The following SGCD variants were observed in gnomAD, a reference collection of about 807,000 sequenced individuals.
SGCD encodes the protein sarcoglycan delta, also known as delta-sarcoglycan.
Under a neutral mutation model 36.6 loss-of-function variants are expected in SGCD, and 18 were observed. That is an observed-to-expected ratio of 0.49 (90% CI 0.34 to 0.73). SGCD has a LOEUF of 0.73. Among genes scored for constraint, SGCD ranks in the 30% least tolerant of loss-of-function variants. The pLI is 0.01. For synonymous variants in SGCD, 133 were observed against 130.6 expected (o/e 1.02, Z -0.12); for missense variants, 387 against 346.7 (o/e 1.12, Z -0.92).
intron 1 of SGCD, among the ~76,000 whole-genome samples, chr5:155,905,346 ATTAG>A (rs955081997): frequency 5.3e-5 from 8 of 152,122 alleles, no homozygotes; most frequent in African/African-American, 1.9e-4. Flanking sequence ...CTTAGAAATT[ATTAG>A]TTACTTTTTT....
the SGCD span, among the ~76,000 whole-genome samples, chr5:155,862,585 C>T: frequency 4.6e-5 from 7 of 152,334 alleles, no homozygotes; most frequent in African/African-American, 1.7e-4. Context: ...GATCCTCCCA[C>T]CTCAGCTCCC....
chr5:155,749,821 A>G, the SGCD span, among the ~76,000 whole-genome samples: 1 of 152,208 alleles, frequency 6.6e-6, no homozygotes, highest in East Asian at 1.9e-4. Context: ...TCATTCATTT[A>G]TCAAGAAATA....
At chr5:155,951,319 A>T (rs1441048534) in intron 1 of SGCD, among the ~76,000 whole-genome samples, 2 of 152,202 alleles carry the variant, frequency 1.3e-5, no homozygotes. Flanking sequence ...ATCATGGCAC[A>T]TTCACATAAT....
At chr5:155,977,166 C>G (rs950134473) in intron 1 of SGCD, among the ~76,000 whole-genome samples, 1 of 152,176 alleles carries the variant, frequency 6.6e-6, no homozygotes, top group Non-Finnish European at 1.5e-5. Flanking sequence ...TCATCATTGC[C>G]CTGGCCCCTT....
At chr5:155,966,423 G>A (rs79748797) in intron 1 of SGCD, among the ~76,000 whole-genome samples, 3,508 of 152,206 alleles carry the variant, frequency 0.023, 132 homozygotes, top group African/African-American at 0.075. Flanking sequence ...TACTGAAAGG[G>A]TTGATGCAAG....
chr5:155,771,775 C>G, the SGCD span, among the ~76,000 whole-genome samples: 2 of 152,024 alleles, frequency 1.3e-5, no homozygotes, highest in African/African-American at 4.8e-5. Context: ...TGGTCTTGAA[C>G]TCCTGGGCTC....
Position 156,332,837 on chromosome 5 carries a change from G to A in SGCD, c.3+3258G>A, listed in dbSNP as rs193139176. Reference sequence around the variant, plus strand: ...AGAGGAGTAATAAGAGAATTTTCTCGGGTGATAGAAATGTTCCCTCTCCTG... The same window carrying A: ...AGAGGAGTAATAAGAGAATTTTCTCAGGTGATAGAAATGTTCCCTCTCCTG... On this transcript the variant is annotated intron_variant, in intron 2 of 8. Transcript: ENST00000337851. 8.0e-4 allele frequency among the ~76,000 whole-genome samples: 122 copies of A among 152,274 alleles called. 1 individual carries two copies. The highest frequency in any genetic ancestry group is 2.7e-3 in the African/African-American group (111 of 41,568).
chr5:156,221,632 A>C lies in SGCD; in HGVS notation c.-44+97613A>C, dbSNP rs914906650. On this transcript the variant is annotated intron_variant, in intron 3 of 9. Coordinates refer to the SGCD transcript ENST00000517913. ...CTGTAGGGTAACTGTGATCATCACA[A>C]AAAAAATAATTTTTATGTTTATTAT... 5.3e-5 allele frequency among the ~76,000 whole-genome samples: 8 copies of C among 151,910 alleles called. 1 individual carries two copies. The highest frequency in any genetic ancestry group is 5.2e-4 in the Admixed American group (8 of 15,250).
At chr5:156,194,597 T>A (rs1170731051) in intron 3 of SGCD, among the ~76,000 whole-genome samples, 1 of 152,010 alleles carries the variant, frequency 6.6e-6, no homozygotes, top group African/African-American at 2.4e-5. Context: ...AGTAACAGAA[T>A]AACAAAACCA....
chr5:156,002,344 G>A (rs1385454777), intron 1 of SGCD, among the ~76,000 whole-genome samples: 1 of 152,192 alleles, frequency 6.6e-6, no homozygotes, highest in Non-Finnish European at 1.5e-5. Flanking sequence ...CCCTTTGGTC[G>A]TGGATTTCTA....
chr5:155,853,274 G>A, the SGCD span, among the ~76,000 whole-genome samples: 1 of 151,974 alleles, frequency 6.6e-6, no homozygotes, highest in East Asian at 1.9e-4. Context: ...GCTTCTTACA[G>A]AGGAAAATCA....
intron 3 of SGCD, among the ~76,000 whole-genome samples, chr5:156,216,617 T>C (rs2127643530): frequency 6.6e-6 from 1 of 152,302 alleles, no homozygotes; most frequent in South Asian, 2.1e-4. Flanking sequence ...TGAGATTTGT[T>C]AAAAAGAGAG....
At chr5:155,899,820 G>A (rs942519287) in intron 1 of SGCD, among the ~76,000 whole-genome samples, 11 of 152,244 alleles carry the variant, frequency 7.2e-5, no homozygotes, top group Admixed American at 5.2e-4. Context: ...AATACAAAGA[G>A]AATAAAGTTT....
At chr5:156,076,926 T>C (rs185228838) in intron 1 of SGCD, among the ~76,000 whole-genome samples, 1 of 152,332 alleles carries the variant, frequency 6.6e-6, no homozygotes, top group East Asian at 1.9e-4. Context: ...TCTTTGTTGT[T>C]CACCATGGCC....
the SGCD span, among the ~76,000 whole-genome samples, chr5:155,861,965 A>G: frequency 1.3e-5 from 2 of 152,178 alleles, no homozygotes; most frequent in Non-Finnish European, 2.9e-5. Flanking sequence ...GCTCTCCCCC[A>G]TCCTCTCTTA....
At chr5:155,994,994 G>A (rs1380547880) in intron 1 of SGCD, among the ~76,000 whole-genome samples, 2 of 152,172 alleles carry the variant, frequency 1.3e-5, no homozygotes, top group African/African-American at 4.8e-5. Flanking sequence ...TCAGTCGTCT[G>A]TCCGTGTACC....
chr5:156,485,971 G>A (rs549844206), intron 3 of SGCD, among the ~76,000 whole-genome samples: 2 of 152,232 alleles, frequency 1.3e-5, no homozygotes, highest in South Asian at 2.1e-4. Flanking sequence ...CTCAGGTTTT[G>A]CAGGTCCTGA....
intron 1 of SGCD, among the ~76,000 whole-genome samples, chr5:155,979,426 T>C (rs1262891266): frequency 6.6e-6 from 1 of 152,216 alleles, no homozygotes; most frequent in Non-Finnish European, 1.5e-5. Flanking sequence ...GACAGAGATC[T>C]ATTTTCCCAG....
At chr5:156,131,546 G>C (rs528539743) in intron 3 of SGCD, among the ~76,000 whole-genome samples, 1 of 152,260 alleles carries the variant, frequency 6.6e-6, no homozygotes, top group South Asian at 2.1e-4. Flanking sequence ...ATTTCCTGTT[G>C]TATGTGGCAG....
Sources: gnomAD v4.1 joint callset for allele counts (sites outside exome capture counted in the v4.1 genomes callset) on GRCh38, gnomAD v4.1.1 for gene constraint, MANE v1.5 for transcripts, NCBI Gene and HGNC (gene_info 2026-07-23, HGNC 2026-07-21) for gene names.